The following TOP3A variants were observed in gnomAD, a reference collection of about 807,000 sequenced individuals.
TOP3A encodes DNA topoisomerase III alpha, also known as DNA topoisomerase 3-alpha.
In TOP3A, 64 loss-of-function variants were observed where a neutral mutation model predicts 111.3. The ratio of observed to expected loss-of-function variants is 0.57; its 90% CI spans 0.47 to 0.71. TOP3A has a LOEUF of 0.71. TOP3A is among the 30% of genes least tolerant of loss of function. The pLI is 0.00. For synonymous variants in TOP3A, 484 were observed against 485.1 expected (o/e 1.00, Z 0.03); for missense variants, 1,104 against 1,285.0 (o/e 0.86, Z 2.15).
chr17:18,295,845 T>TATAC (rs967539781), intron 9 of TOP3A, among the ~76,000 whole-genome samples: 2 of 147,792 alleles, frequency 1.4e-5, no homozygotes, highest in African/African-American at 5.0e-5. Flanking sequence ...CGGCTCACTG[T>TATAC]AAGCTCTGCC....
intron 18 of TOP3A, among the ~76,000 whole-genome samples, chr17:18,275,471 T>TGCCTCAGCCTCCC (rs1979295081): frequency 6.7e-6 from 1 of 150,278 alleles, no homozygotes; most frequent in Non-Finnish European, 1.5e-5. Context: ...GCCATTCTCC[T>TGCCTCAGCCTCCC]GCCTCAGCCT....
At chr17:18,289,952 A>G (rs1245286828) in intron 13 of TOP3A, among the ~76,000 whole-genome samples, 3 of 152,186 alleles carry the variant, frequency 2.0e-5, no homozygotes, top group Non-Finnish European at 4.4e-5. Flanking sequence ...GAGAGCCTTG[A>G]CAAAAACGAA....
intron 18 of TOP3A, among the ~76,000 whole-genome samples, chr17:18,276,574 G>A (rs942901175): frequency 2.0e-5 from 3 of 152,194 alleles, no homozygotes; most frequent in Non-Finnish European, 4.4e-5. Context: ...CCCTATGAAT[G>A]TAGGCAGGGA....
At chr17:18,280,768 T>C in intron 16 of TOP3A, 110 bp from the exon 17 acceptor site, 1 of 1,261,454 alleles carries the variant, frequency 7.9e-7, no homozygotes, top group Non-Finnish European at 1.1e-6. Flanking sequence ...CATTCCCTTT[T>C]CTGGATGACA....
chr17:18,307,221 G>A (rs1343798008), intron 3 of TOP3A: 1 of 351,860 alleles, frequency 2.8e-6, no homozygotes, highest in East Asian at 4.5e-5. Flanking sequence ...AAAAGGTCTG[G>A]CAATTTTGAG....
intron 9 of TOP3A, among the ~76,000 whole-genome samples, chr17:18,296,788 C>T (rs1427834232): frequency 6.6e-6 from 1 of 152,132 alleles, no homozygotes. Context: ...CCCAAATTTT[C>T]CTGCTAAGTG....
intron 1 of TOP3A, among the ~76,000 whole-genome samples, chr17:18,310,018 T>C (rs944531902): frequency 1.3e-5 from 2 of 151,930 alleles, no homozygotes; most frequent in Non-Finnish European, 2.9e-5. Flanking sequence ...CGAATGTCTA[T>C]AGAAGTTCTA....
chr17:18,291,056 C>G (rs772691773), intron 11 of TOP3A, 29 bp from the exon 12 acceptor site: 4 of 1,606,244 alleles, frequency 2.5e-6, no homozygotes, highest in Non-Finnish European at 3.4e-6. Flanking sequence ...TACGAAACTC[C>G]CCCTAGAATA....
Position 18,302,699 on chromosome 17 carries a change from C to T in TOP3A, c.524G>A (p.Arg175Gln), listed in dbSNP as rs200654584. The change falls in exon 6 of 19, where the codon CGA (arginine) becomes CAA (glutamine). Residue 175 changes from arginine to glutamine, a missense_variant. Physicochemically the swap from Arg to Gln is conservative, Grantham distance 43 (BLOSUM62 1). Transcript: ENST00000321105. ...KAVKPNLQVLRARFSEITPHA... is the reference protein window; with the variant it reads ...KAVKPNLQVLQARFSEITPHA... Reference sequence around the variant, plus strand: ...GGGTGTGATCTCAGAGAATCGGGCTCGCAACACCTGCAGATTGGGCTTTAC... The same window carrying T: ...GGGTGTGATCTCAGAGAATCGGGCTTGCAACACCTGCAGATTGGGCTTTAC... The T allele has an allele frequency of 1.1e-5, 17 of 1,613,950 alleles. No homozygotes were observed. In the East Asian group the frequency reaches 2.7e-4, roughly 25 times the overall value.
At position 18,272,398 on chromosome 17, in the gene TOP3A, T is replaced by A. The variant is rs1979049946; in HGVS notation, c.*2404A>T. Among the ~76,000 whole-genome samples the A allele has an allele frequency of 6.6e-6, 1 of 152,248 alleles. No homozygotes were observed. The highest frequency in any genetic ancestry group is 1.5e-5 in the Non-Finnish European group (1 of 68,052). Reference sequence around the variant, plus strand: ...CTCAAAAAGTCAAAACATGGAGTTATGGTATAAAACTACAATTCCATTCCT... The same window carrying A: ...CTCAAAAAGTCAAAACATGGAGTTAAGGTATAAAACTACAATTCCATTCCT... On this transcript the variant is annotated 3_prime_UTR_variant, in exon 19 of 19. Transcript: ENST00000321105.
chr17:18,301,193 A>AC (rs1399488799), intron 8 of TOP3A, among the ~76,000 whole-genome samples: 1 of 152,186 alleles, frequency 6.6e-6, no homozygotes, highest in Non-Finnish European at 1.5e-5. Flanking sequence ...CCTGGGTTAA[A>AC]CCAGGCTGTT....
chr17:18,302,702 A>G lies in TOP3A; in HGVS notation c.521T>C (p.Leu174Ser). The G allele has an allele frequency of 1.2e-6, 2 of 1,614,052 alleles. No homozygotes were observed. The change falls in exon 6 of 19, where the codon TTG becomes TCG. Residue 174 changes from leucine (L) to serine (S), a missense_variant. Leu to Ser is a moderately radical substitution (Grantham distance 145, BLOSUM62 -2). Coordinates refer to ENST00000321105, the MANE Select transcript of TOP3A (RefSeq NM_004618.5). ...CKAVKPNLQVLRARFSEITPH... is the reference protein window; with the variant it reads ...CKAVKPNLQVSRARFSEITPH... ...TGTGATCTCAGAGAATCGGGCTCGC[A>G]ACACCTGCAGATTGGGCTTTACTGC... is the stretch of plus-strand genomic sequence containing the variant.
intron 13 of TOP3A, among the ~76,000 whole-genome samples, chr17:18,289,668 C>T (rs1415412063): frequency 1.3e-5 from 2 of 152,214 alleles, no homozygotes; most frequent in Non-Finnish European, 2.9e-5. Context: ...GCTGGGATTA[C>T]AGGTGTGAGC....
intron 11 of TOP3A, among the ~76,000 whole-genome samples, chr17:18,292,109 A>C (rs1422317399): frequency 6.6e-6 from 1 of 152,242 alleles, no homozygotes; most frequent in African/African-American, 2.4e-5. Flanking sequence ...CTACAGATGT[A>C]AACAAGCATT....
chr17:18,288,075 A>C (rs1478728011), intron 13 of TOP3A, among the ~76,000 whole-genome samples: 1 of 150,980 alleles, frequency 6.6e-6, no homozygotes, highest in Non-Finnish European at 1.5e-5. Context: ...TAAAAAATGT[A>C]CATTATACAT....
intron 7 of TOP3A, 69 bp from the exon 8 acceptor site, chr17:18,302,054 A>G: frequency 6.6e-7 from 1 of 1,509,092 alleles, no homozygotes; most frequent in South Asian, 1.2e-5. Context: ...AGATAGAAAA[A>G]GGTTTATTGT....
intron 8 of TOP3A, among the ~76,000 whole-genome samples, chr17:18,300,828 G>A (rs1187712262): frequency 6.6e-6 from 1 of 152,156 alleles, no homozygotes; most frequent in African/African-American, 2.4e-5. Flanking sequence ...GTGGTCCAGG[G>A]TCAAAGGGTG....
rs1305542535 is a variant in TOP3A at position 18,285,231 on chromosome 17, ACAGATCAGCTT to A, written c.1777_1787del (p.Lys593Ter). 3 of 1,614,032 alleles carry A rather than the reference ACAGATCAGCTT, an allele frequency of 1.9e-6. No homozygotes were observed. Among genetic ancestry groups the A allele is most frequent in the South Asian group, 1.1e-5 (1 of 91,082 alleles). The stretch of plus-strand genomic sequence containing the variant: ...CCACAAATTTGTCCTTTTTGCCATC[ACAGATCAGCTT>A]CAGATCAGCTTCCAGTTCAGCCCGG... On this transcript the variant is annotated frameshift_variant, in exon 15 of 19. Transcript: ENST00000321105. LOFTEE classifies it high-confidence loss of function.
At chr17:18,308,213 T>C (rs1318907570) in intron 3 of TOP3A, 138 bp downstream of exon 3, 5 of 476,732 alleles carry the variant, frequency 1.0e-5, no homozygotes, top group Non-Finnish European at 1.7e-5. Flanking sequence ...CTCTGAAACT[T>C]TGTCTCCAAC....
Sources: allele counts gnomAD v4.1 joint callset (sites outside exome capture counted in the v4.1 genomes callset), GRCh38; gene constraint gnomAD v4.1.1; transcripts MANE v1.5; gene names NCBI Gene and HGNC (gene_info 2026-07-23, HGNC 2026-07-21).